Variants in PLD1 observed in about 807,000 individuals in gnomAD.
The protein encoded by PLD1 is choline phosphatase 1.
A neutral mutation model predicts 137.1 loss-of-function variants in PLD1; 112 were observed. The ratio of observed to expected loss-of-function variants is 0.82; its 90% CI spans 0.70 to 0.96. PLD1 has a LOEUF of 0.96. Among genes scored for constraint, PLD1 ranks in the 40% least tolerant of loss-of-function variants. The pLI is 0.00. For synonymous variants in PLD1, 431 were observed against 454.7 expected, an observed-to-expected ratio of 0.95 and a Z score of 0.66; for missense variants, 1,321 against 1,342.0, an observed-to-expected ratio of 0.98 and a Z score of 0.24.
intron 17 of PLD1, 115 bp downstream of exon 17, chr3:171,677,451 C>A: frequency 9.0e-7 from 1 of 1,113,964 alleles, no homozygotes. Context: ...AAAAAATTTT[C>A]AAAAATCAAC....
chr3:171,746,925 C>T (rs998372410), intron 1 of PLD1, among the ~76,000 whole-genome samples: 2 of 152,216 alleles, frequency 1.3e-5, no homozygotes, highest in South Asian at 2.1e-4. Context: ...AATCTTGCTG[C>T]TGCTGTTTAG....
intron 14 of PLD1, 58 bp from the exon 15 acceptor site, chr3:171,687,642 C>A: frequency 9.3e-7 from 1 of 1,072,738 alleles, no homozygotes; most frequent in Non-Finnish European, 1.4e-6. Context: ...CAGTGTGGTT[C>A]TTTAATTCAA....
At chr3:171,739,696 A>G (rs747286324) in intron 1 of PLD1, among the ~76,000 whole-genome samples, 1 of 152,176 alleles carries the variant, frequency 6.6e-6, no homozygotes, top group Non-Finnish European at 1.5e-5. Flanking sequence ...GCATGACAGG[A>G]GTTTGCCATC....
chr3:171,741,480 A>G (rs1228547163), intron 1 of PLD1, among the ~76,000 whole-genome samples: 1 of 152,222 alleles, frequency 6.6e-6, no homozygotes, highest in Admixed American at 6.5e-5. Flanking sequence ...AGCAGCTGCC[A>G]CAGGCACAGC....
intron 1 of PLD1, among the ~76,000 whole-genome samples, chr3:171,790,414 A>G (rs1723169592): frequency 6.6e-6 from 1 of 152,252 alleles, no homozygotes. Context: ...GTGAGGACAC[A>G]GAGGAAGACC....
intron 1 of PLD1, among the ~76,000 whole-genome samples, chr3:171,745,879 G>A (rs896736779): frequency 6.6e-6 from 1 of 152,056 alleles, no homozygotes; most frequent in Non-Finnish European, 1.5e-5. Flanking sequence ...TGCTTGCAGG[G>A]AGGTGTGGAG....
intron 13 of PLD1, among the ~76,000 whole-genome samples, chr3:171,691,724 C>G (rs181070396): frequency 1.2e-4 from 19 of 152,254 alleles, no homozygotes; most frequent in Admixed American, 5.9e-4. Flanking sequence ...AAAACACTTT[C>G]ATTTTTTCTA....
At chr3:171,720,322 G>A (rs1278966288) in intron 8 of PLD1, among the ~76,000 whole-genome samples, 2 of 149,362 alleles carry the variant, frequency 1.3e-5, no homozygotes, top group Non-Finnish European at 3.0e-5. Flanking sequence ...AAGGCCGGGC[G>A]CGGTGGCTCA....
rs576129884 is a variant in PLD1 at position 171,661,610 on chromosome 3, C to T, written c.2340+450G>A. ...AATGTTCTCACATCTTCCTTTTCCA[C>T]GTTCTTTTCCCTGCACTCTCCCTAC... On this transcript the variant is annotated intron_variant, in intron 20 of 26. Transcript: ENST00000351298. 5.9e-5 allele frequency among the ~76,000 whole-genome samples: 9 copies of T among 152,192 alleles called. No homozygotes were observed. In the East Asian group the frequency reaches 9.7e-4, roughly 16 times the overall value.
intron 23 of PLD1, among the ~76,000 whole-genome samples, chr3:171,635,513 C>CGG (rs898530201): frequency 6.6e-6 from 1 of 152,020 alleles, no homozygotes; most frequent in African/African-American, 2.4e-5. Flanking sequence ...TTTCTAGTGA[C>CGG]TAGTGATATT....
chr3:171,695,174 G>A (rs892623579), intron 12 of PLD1, among the ~76,000 whole-genome samples: 1 of 152,166 alleles, frequency 6.6e-6, no homozygotes, highest in African/African-American at 2.4e-5. Flanking sequence ...GGTTGTTATA[G>A]TGTAGGCTTA....
At chr3:171,680,036 T>C (rs1201917149) in intron 16 of PLD1, among the ~76,000 whole-genome samples, 1 of 152,108 alleles carries the variant, frequency 6.6e-6, no homozygotes, top group Non-Finnish European at 1.5e-5. Context: ...TTCTGGCTAC[T>C]AAAGTTTATG....
rs370385682 is a variant in PLD1 at position 171,611,999 on chromosome 3, T to C, written c.2882+280A>G. ...CGGAATGCTGAGCCAGGAGGATTGCTTGAGCCTAGGAATTCAAGGATGCAA... is the reference window on the plus strand; with the variant it reads ...CGGAATGCTGAGCCAGGAGGATTGCCTGAGCCTAGGAATTCAAGGATGCAA... On this transcript the variant is annotated intron_variant, in intron 25 of 26. Coordinates refer to ENST00000351298, the MANE Select transcript of PLD1 (RefSeq NM_002662.5). Among the ~76,000 whole-genome samples, 5 of 152,288 alleles carry C rather than the reference T, an allele frequency of 3.3e-5. No homozygotes were observed. In the East Asian group the frequency reaches 5.8e-4, roughly 18 times the overall value.
intron 19 of PLD1, among the ~76,000 whole-genome samples, chr3:171,672,446 T>C (rs1228857094): frequency 6.6e-6 from 1 of 152,188 alleles, no homozygotes; most frequent in African/African-American, 2.4e-5. Flanking sequence ...GATTAACATA[T>C]GAGCTTATCA....
chr3:171,775,232 C>T (rs1215138837), intron 1 of PLD1, among the ~76,000 whole-genome samples: 1 of 151,836 alleles, frequency 6.6e-6, no homozygotes, highest in African/African-American at 2.4e-5. Flanking sequence ...TTTTTCATAT[C>T]ACATTAGTTA....
intron 21 of PLD1, among the ~76,000 whole-genome samples, chr3:171,655,399 T>A (rs1482394070): frequency 6.6e-6 from 1 of 152,162 alleles, no homozygotes; most frequent in South Asian, 2.1e-4. Flanking sequence ...CCTCATTCTA[T>A]CTCCTAAGCT....
intron 1 of PLD1, among the ~76,000 whole-genome samples, chr3:171,751,400 A>C (rs9827435): frequency 0.52 from 79,207 of 151,932 alleles, 21,774 homozygotes; most frequent in African/African-American, 0.71. Context: ...TTGTAAGAAC[A>C]CCAGATTGGG....
At chr3:171,662,969 T>C (rs1012423531) in intron 19 of PLD1, among the ~76,000 whole-genome samples, 1 of 152,242 alleles carries the variant, frequency 6.6e-6, no homozygotes, top group East Asian at 1.9e-4. Flanking sequence ...GCCACACTGT[T>C]TTGCCACTTC....
At chr3:171,737,322 T>G (rs544998765) in intron 3 of PLD1, among the ~76,000 whole-genome samples, 1 of 151,986 alleles carries the variant, frequency 6.6e-6, no homozygotes, top group Non-Finnish European at 1.5e-5. Context: ...TTGGCTCAAA[T>G]GAAGAAAGAG....
Sources: allele counts gnomAD v4.1 joint callset (sites outside exome capture counted in the v4.1 genomes callset), GRCh38; gene constraint gnomAD v4.1.1; transcripts MANE v1.5; gene names NCBI Gene and HGNC (gene_info 2026-07-23, HGNC 2026-07-21).